The following MARCHF10 variants were observed in gnomAD, a reference collection of about 807,000 sequenced individuals.
MARCHF10 encodes the protein probable E3 ubiquitin-protein ligase MARCHF10.
MARCHF10 carries 64 observed loss-of-function variants against 76.2 expected under a neutral mutation model. That is an observed-to-expected ratio of 0.84 (90% CI 0.69 to 1.03). The LOEUF is 1.03. Ranked by LOEUF, MARCHF10 falls within the 50% of genes least tolerant of loss-of-function variation. MARCHF10 has a pLI of 0.00. For synonymous variants in MARCHF10, 340 were observed against 357.5 expected (o/e 0.95, Z 0.55); for missense variants, 875 against 958.0 (o/e 0.91, Z 1.14).
intron 4 of MARCHF10, chr17:62,750,477 C>G (rs984143381): frequency 6.5e-6 from 1 of 152,994 alleles, no homozygotes; most frequent in Non-Finnish European, 1.5e-5. Flanking sequence ...GGGGAGAAAG[C>G]AAAGACGGAG....
At chr17:62,802,180 G>GTA (rs779223410) in intron 1 of MARCHF10, among the ~76,000 whole-genome samples, 88 of 152,148 alleles carry the variant, frequency 5.8e-4, no homozygotes, top group Non-Finnish European at 6.3e-4. Context: ...GGACACTGGA[G>GTA]TATAGCAAGC....
intron 3 of MARCHF10, among the ~76,000 whole-genome samples, chr17:62,787,085 G>A (rs1167882598): frequency 3.3e-5 from 5 of 152,102 alleles, no homozygotes; most frequent in Non-Finnish European, 5.9e-5. Flanking sequence ...ATCAGCAGCA[G>A]GCATTATATT....
intron 3 of MARCHF10, among the ~76,000 whole-genome samples, chr17:62,763,011 G>A (rs2041279): frequency 0.05 from 7,667 of 152,128 alleles, 641 homozygotes; most frequent in African/African-American, 0.17. Context: ...TGTGACATTG[G>A]GTTAGTTCAT....
intron 4 of MARCHF10, among the ~76,000 whole-genome samples, chr17:62,753,702 C>A (rs947027972): frequency 6.6e-6 from 1 of 152,188 alleles, no homozygotes; most frequent in African/African-American, 2.4e-5. Context: ...CCTGGTTAAA[C>A]CCCTGTCCTT....
At chr17:62,753,668 G>C (rs543967130) in intron 4 of MARCHF10, among the ~76,000 whole-genome samples, 97 of 152,252 alleles carry the variant, frequency 6.4e-4, no homozygotes, top group African/African-American at 2.2e-3. Context: ...CCTGCTGCCA[G>C]GCACATCTTT....
chr17:62,763,702 G>A (rs1321864765), intron 3 of MARCHF10, among the ~76,000 whole-genome samples: 3 of 151,928 alleles, frequency 2.0e-5, no homozygotes, highest in African/African-American at 4.8e-5. Context: ...CAAAGCCCAC[G>A]ACATTAAAAA....
At chr17:62,715,064 C>T (rs1376898654) in intron 8 of MARCHF10, among the ~76,000 whole-genome samples, 1 of 152,160 alleles carries the variant, frequency 6.6e-6, no homozygotes, top group African/African-American at 2.4e-5. Context: ...TCCTCCTTTC[C>T]TCCCTGCATT....
At chr17:62,753,412 C>T (rs1483887275) in intron 4 of MARCHF10, among the ~76,000 whole-genome samples, 1 of 152,082 alleles carries the variant, frequency 6.6e-6, no homozygotes, top group Non-Finnish European at 1.5e-5. Context: ...TGGCCCTAAA[C>T]CACAACTTCT....
intron 3 of MARCHF10, among the ~76,000 whole-genome samples, chr17:62,763,098 A>G (rs115817852): frequency 1.3e-3 from 195 of 152,328 alleles, no homozygotes; most frequent in African/African-American, 4.6e-3. Flanking sequence ...CATAATATAT[A>G]TATGTACGCA....
chr17:62,766,683 G>A (rs1263037757), intron 3 of MARCHF10, among the ~76,000 whole-genome samples: 1 of 152,056 alleles, frequency 6.6e-6, no homozygotes, highest in African/African-American at 2.4e-5. Flanking sequence ...CAACACCAGG[G>A]GGCTTGGCCA....
chr17:62,710,850 C>A (rs1427706937), intron 9 of MARCHF10, among the ~76,000 whole-genome samples: 2 of 152,156 alleles, frequency 1.3e-5, no homozygotes, highest in African/African-American at 4.8e-5. Context: ...CATGAGCCAT[C>A]ACACCCAGCC....
chr17:62,760,256 T>A (rs183388460), intron 3 of MARCHF10, among the ~76,000 whole-genome samples: 66 of 152,324 alleles, frequency 4.3e-4, no homozygotes, highest in African/African-American at 1.5e-3. Flanking sequence ...TGAGTGTGTT[T>A]TGTAGAACGT....
chr17:62,747,090 C>G, intron 4 of MARCHF10: 1 of 752,388 alleles, frequency 1.3e-6, no homozygotes, highest in Middle Eastern at 2.4e-4. Context: ...CTGCACGCTC[C>G]TTAAGAATGA....
intron 7 of MARCHF10, 44 bp from the exon 8 acceptor site, chr17:62,722,641 T>G: frequency 6.5e-7 from 1 of 1,528,052 alleles, no homozygotes; most frequent in Admixed American, 1.8e-5. Flanking sequence ...ACCATGGGTC[T>G]GTTTGTGTTA....
At chr17:62,742,604 C>G (rs2091553364) in intron 5 of MARCHF10, among the ~76,000 whole-genome samples, 1 of 152,118 alleles carries the variant, frequency 6.6e-6, no homozygotes, top group African/African-American at 2.4e-5. Flanking sequence ...TGGGTGCAGA[C>G]AGAATTGTAT....
chr17:62,747,321 C>CA (rs2091741830), intron 4 of MARCHF10, among the ~76,000 whole-genome samples: 1 of 152,028 alleles, frequency 6.6e-6, no homozygotes, highest in Admixed American at 6.6e-5. Flanking sequence ...TTTTCTTGTT[C>CA]AAAAAAACTG....
At position 62,738,905 on chromosome 17, in the gene MARCHF10, C is replaced by T. The variant is rs184025229; in HGVS notation, c.536-1573G>A. 2.7e-3 allele frequency among the ~76,000 whole-genome samples: 413 copies of T among 152,340 alleles called. 1 individual carries two copies. The highest frequency in any genetic ancestry group is 2.9e-3 in the Non-Finnish European group (199 of 68,032). ...TGAGCATCTGGCTGTGGAACTACAG[C>T]GCTGGAGCTGGTGGCGAGGCCACTC... On this transcript the variant is annotated intron_variant, in intron 5 of 10. Coordinates refer to ENST00000311269, the MANE Select transcript of MARCHF10 (RefSeq NM_152598.4). The surrounding 1 kb of genome is among the most constrained non-coding windows in gnomAD (Gnocchi z 4.0).
At chr17:62,720,745 C>T (rs1191782028) in intron 8 of MARCHF10, among the ~76,000 whole-genome samples, 1 of 152,202 alleles carries the variant, frequency 6.6e-6, no homozygotes, top group Non-Finnish European at 1.5e-5. Context: ...TTTTGACTCT[C>T]AGACTTGTCT....
intron 5 of MARCHF10, among the ~76,000 whole-genome samples, chr17:62,740,085 T>C (rs72843603): frequency 0.072 from 5,684 of 79,452 alleles, 155 homozygotes; most frequent in Non-Finnish European, 0.12. Flanking sequence ...TGTGTGTGCG[T>C]GTGTGTGTGT....
Sources: allele counts gnomAD v4.1 joint callset (sites outside exome capture counted in the v4.1 genomes callset), GRCh38; gene constraint gnomAD v4.1.1; non-coding constraint Gnocchi (gnomAD v3.1); transcripts MANE v1.5; gene names NCBI Gene and HGNC (gene_info 2026-07-23, HGNC 2026-07-21).